CACNA2D3: variants seen among roughly 807,000 people sequenced by gnomAD.
The protein encoded by CACNA2D3 is voltage-dependent calcium channel subunit alpha-2/delta-3.
A neutral mutation model predicts 160.6 loss-of-function variants in CACNA2D3; 60 were observed. The observed-to-expected ratio is 0.37, with a 90% confidence interval of 0.30 to 0.46. CACNA2D3 has a LOEUF of 0.46. Ranked by LOEUF, CACNA2D3 falls within the 20% of genes least tolerant of loss-of-function variation. The pLI, the probability that CACNA2D3 is intolerant of heterozygous loss-of-function variation, is 1.00. For missense variants in CACNA2D3, 1,205 were observed against 1,365.0 expected, an observed-to-expected ratio of 0.88 and a Z score of 1.85; for synonymous variants, 558 against 492.9, an observed-to-expected ratio of 1.13 and a Z score of -1.75.
chr3:54,871,630 A>G lies in CACNA2D3; in HGVS notation c.1710+8A>G, dbSNP rs370162716. The stretch of plus-strand genomic sequence containing the variant: ...GAAGACCGAGATGACGTGGTAAGTG[A>G]TTTGTTTTCAGGCCTCGTGGAGAAG... On this transcript the variant is annotated splice_region_variant and intron_variant, in intron 18 of 37. Transcript: ENST00000474759. 1.5e-5 allele frequency: 24 copies of G among 1,604,380 alleles called. No individual in the cohort carries two copies. The African/African-American group carries it at 3.2e-4, about 21-fold the overall frequency.
At chr3:54,899,315 C>T (rs1030774377) in intron 26 of CACNA2D3, among the ~76,000 whole-genome samples, 4 of 152,048 alleles carry the variant, frequency 2.6e-5, no homozygotes, top group African/African-American at 7.3e-5. Flanking sequence ...AAACTGGGCT[C>T]GAAATTACAA....
chr3:54,815,959 C>T (rs1703438935), intron 13 of CACNA2D3, among the ~76,000 whole-genome samples: 1 of 152,176 alleles, frequency 6.6e-6, no homozygotes, highest in South Asian at 2.1e-4. Flanking sequence ...ACACTGCATG[C>T]TATAATGGCA....
In CACNA2D3 at chr3:54,777,106, GT is replaced by G; in HGVS notation, c.1380+12757del. On this transcript the variant is annotated intron_variant, in intron 13 of 37. Transcript: ENST00000474759. ...GATATCAGCTGCCAGTTTCTCTTCT[GT>G]TACTGTACACAGGATTTTCTCCATG... Among the ~76,000 whole-genome samples the G allele has an allele frequency of 1.3e-5, 2 of 152,274 alleles. 1 individual carries two copies. Among genetic ancestry groups the G allele is most frequent in the Middle Eastern group, 6.8e-3 (2 of 294 alleles).
At chr3:54,516,138 C>T (rs143024047) in intron 5 of CACNA2D3, among the ~76,000 whole-genome samples, 23 of 152,338 alleles carry the variant, frequency 1.5e-4, no homozygotes, top group African/African-American at 5.3e-4. Flanking sequence ...GACAACAGCA[C>T]AGGTGGGCTT....
In CACNA2D3 at chr3:54,439,793, A is replaced by G. The variant is rs1259975912; in HGVS notation, c.381+53019A>G. Among the ~76,000 whole-genome samples, 3 of 152,252 alleles carry G rather than the reference A, an allele frequency of 2.0e-5. No individual in the cohort carries two copies. The East Asian group carries it at 5.8e-4, about 29-fold the overall frequency. On this transcript the variant is annotated intron_variant, in intron 4 of 37. Coordinates refer to ENST00000474759, the MANE Select transcript of CACNA2D3 (RefSeq NM_018398.3). ...ATGGGAGACTGAGTCCTCCTCACAC[A>G]TCAGGAAAGGGGGAACCAGCTCTCA...
chr3:54,918,461 A>C (rs776497194), intron 27 of CACNA2D3: 3 of 1,611,190 alleles, frequency 1.9e-6, no homozygotes, highest in Non-Finnish European at 2.5e-6. Flanking sequence ...AAAAGCTCTC[A>C]GGCTGGTGAG....
At chr3:54,819,076 TAC>T in intron 14 of CACNA2D3, among the ~76,000 whole-genome samples, 2 of 151,716 alleles carry the variant, frequency 1.3e-5, no homozygotes, top group Non-Finnish European at 2.9e-5. Flanking sequence ...TCCCCAGTAT[TAC>T]CTCAGTGACA....
At chr3:54,135,038 G>A (rs1699790733) in intron 2 of CACNA2D3, among the ~76,000 whole-genome samples, 1 of 152,240 alleles carries the variant, frequency 6.6e-6, no homozygotes, top group Non-Finnish European at 1.5e-5. Context: ...AAGCGCTTGA[G>A]TGCCACATTA....
intron 3 of CACNA2D3, among the ~76,000 whole-genome samples, chr3:54,346,176 A>G (rs968928371): frequency 1.3e-5 from 2 of 152,146 alleles, no homozygotes; most frequent in African/African-American, 2.4e-5. Context: ...TGTAAGTGTT[A>G]CTTCCCGAGA....
At chr3:55,071,576 A>T (rs915793327) in intron 35 of CACNA2D3, among the ~76,000 whole-genome samples, 3 of 151,936 alleles carry the variant, frequency 2.0e-5, no homozygotes, top group Admixed American at 6.6e-5. Flanking sequence ...CTGTTTCTTC[A>T]TCTTCAGTAC....
At chr3:54,474,847 C>T (rs1700801567) in intron 4 of CACNA2D3, among the ~76,000 whole-genome samples, 2 of 152,158 alleles carry the variant, frequency 1.3e-5, no homozygotes, top group Admixed American at 6.5e-5. Flanking sequence ...CTTCCCTCCA[C>T]AATGCTGAGT....
chr3:54,510,672 C>T (rs1701445390), intron 5 of CACNA2D3, among the ~76,000 whole-genome samples: 1 of 152,126 alleles, frequency 6.6e-6, no homozygotes, highest in Admixed American at 6.5e-5. Context: ...GATTGGCAGG[C>T]CTGGGCTTGT....
intron 11 of CACNA2D3, among the ~76,000 whole-genome samples, chr3:54,691,397 T>C (rs1305893228): frequency 1.3e-5 from 2 of 152,154 alleles, no homozygotes; most frequent in Non-Finnish European, 2.9e-5. Context: ...ACAGCTGATA[T>C]GTGTAATCAA....
chr3:54,460,387 T>C (rs564886825), intron 4 of CACNA2D3, among the ~76,000 whole-genome samples: 2 of 152,350 alleles, frequency 1.3e-5, no homozygotes, highest in East Asian at 1.9e-4. Flanking sequence ...TTTCACGATA[T>C]TGATTCTTCC....
intron 18 of CACNA2D3, among the ~76,000 whole-genome samples, chr3:54,876,705 C>T (rs1699668603): frequency 6.6e-6 from 1 of 152,194 alleles, no homozygotes; most frequent in African/African-American, 2.4e-5. Flanking sequence ...GCCTATTTCT[C>T]CACCTGTAAA....
At chr3:54,208,943 A>G (rs546286568) in intron 2 of CACNA2D3, among the ~76,000 whole-genome samples, 8 of 152,274 alleles carry the variant, frequency 5.3e-5, no homozygotes, top group African/African-American at 1.2e-4. Context: ...CACATCTTAC[A>G]TGGTGGCAGA....
intron 5 of CACNA2D3, among the ~76,000 whole-genome samples, chr3:54,540,651 T>C (rs1440315728): frequency 1.3e-5 from 2 of 152,126 alleles, no homozygotes; most frequent in Admixed American, 1.3e-4. Flanking sequence ...GCTGTTTTCT[T>C]CCTGTGTCCT....
intron 2 of CACNA2D3, among the ~76,000 whole-genome samples, chr3:54,134,640 C>T (rs1355692164): frequency 2.0e-5 from 3 of 152,218 alleles, no homozygotes; most frequent in Non-Finnish European, 2.9e-5. Context: ...TGCCTTCCAG[C>T]TACAACAGTC....
intron 2 of CACNA2D3, among the ~76,000 whole-genome samples, chr3:54,191,096 C>G (rs1286609699): frequency 6.7e-6 from 1 of 148,338 alleles, no homozygotes; most frequent in African/African-American, 2.5e-5. Flanking sequence ...TTGTTTTAAT[C>G]AGTCACGATA....
Sources: allele counts gnomAD v4.1 joint callset (sites outside exome capture counted in the v4.1 genomes callset), GRCh38; gene constraint gnomAD v4.1.1; transcripts MANE v1.5; gene names NCBI Gene and HGNC (gene_info 2026-07-23, HGNC 2026-07-21).